The following KMT5A variants were observed in gnomAD, a reference collection of about 807,000 sequenced individuals.
The protein encoded by KMT5A is lysine methyltransferase 5A, also known as N-lysine methyltransferase KMT5A.
A neutral mutation model predicts 40.6 loss-of-function variants in KMT5A; 6 were observed. The ratio of observed to expected loss-of-function variants is 0.15; its 90% CI spans 0.08 to 0.29. The LOEUF (loss-of-function observed/expected upper bound fraction) is 0.29, where lower values mean the gene tolerates loss of function less well. Ranked by LOEUF, KMT5A falls within the 10% of genes least tolerant of loss-of-function variation. The pLI, the probability that KMT5A is intolerant of heterozygous loss-of-function variation, is 1.00. For synonymous variants in KMT5A, 153 were observed against 178.8 expected (o/e 0.86, Z 1.15); for missense variants, 308 against 459.1 (o/e 0.67, Z 3.01).
chr12:123,403,798 A>AG (rs1878349399), intron 6 of KMT5A, among the ~76,000 whole-genome samples, 166 bp downstream of exon 6: 1 of 152,236 alleles, frequency 6.6e-6, no homozygotes, highest in Admixed American at 6.5e-5. Context: ...AAAGTTGTTA[A>AG]GGAAATGTCT....
At chr12:123,390,108 G>T (rs746618127) in intron 2 of KMT5A, 1 of 468,956 alleles carries the variant, frequency 2.1e-6, no homozygotes, top group Non-Finnish European at 4.4e-6. Flanking sequence ...AAGTCCTCCC[G>T]TCGCAGCCCT....
chr12:123,396,222 G>C, intron 4 of KMT5A, 123 bp from the exon 5 acceptor site: 1 of 840,524 alleles, frequency 1.2e-6, no homozygotes, highest in Admixed American at 2.2e-5. Context: ...AGTGGACAAA[G>C]GTGTTTAAGT....
intron 5 of KMT5A, among the ~76,000 whole-genome samples, chr12:123,399,538 C>G (rs1455512113): frequency 1.3e-5 from 2 of 152,248 alleles, no homozygotes; most frequent in African/African-American, 4.8e-5. Context: ...GGCCCCCGTA[C>G]TTCTCAGCAC....
chr12:123,406,250 G>T (rs1409699843), intron 7 of KMT5A, among the ~76,000 whole-genome samples: 1 of 152,240 alleles, frequency 6.6e-6, no homozygotes, highest in South Asian at 2.1e-4. Context: ...GGCCAGAGCA[G>T]CTCTGGAAAT....
rs548362145 is a variant in KMT5A, at chr12:123,405,330, A to AT, written c.848+266dup. Among the ~76,000 whole-genome samples, 243 of 148,078 alleles carry AT rather than the reference A, an allele frequency of 1.6e-3. 2 individuals carry two copies. The South Asian group carries it at 0.023, about 14-fold the overall frequency. Reference sequence around the variant, plus strand: ...CTCAGCCTCCAGAGTAGCCCAGCTAATTTTTTTTTTCTGTATTTTTAGTAG... The same window carrying AT: ...CTCAGCCTCCAGAGTAGCCCAGCTAATTTTTTTTTTTCTGTATTTTTAGTAG... On this transcript the variant is annotated intron_variant, in intron 7 of 7. Transcript: ENST00000402868.
At position 123,384,161 on chromosome 12, in the gene KMT5A, G is replaced by A. The variant is rs776651928; in HGVS notation, c.-38G>A. ...TGTTGCAACTTTTTTCGAAAGCTGG[G>A]TTTCCCGGGAGATCCCAGGCGGTGA... On this transcript the variant is annotated 5_prime_UTR_variant, in exon 1 of 8. Coordinates refer to ENST00000402868, the MANE Select transcript of KMT5A (RefSeq NM_020382.7). The surrounding 1 kb of genome is among the most constrained non-coding windows in gnomAD (Gnocchi z 5.7). 2 of 1,613,258 alleles carry A rather than the reference G, an allele frequency of 1.2e-6. No individual in the cohort carries two copies. Among genetic ancestry groups the A allele is most frequent in the Admixed American group, 3.3e-5 (2 of 59,924 alleles).
At position 123,408,563 on chromosome 12, in the gene KMT5A, CTGCTTTTTTTTTTTTTTTTTTT is replaced by C. The variant is rs1486239924; in HGVS notation, c.*872_*893del. ...ATAGGTCTTGAAGTGAGTGAAGTGG[CTGCTTTTTTTTTTTTTTTTTTT>C]TGCTTTTTTTTGCTTTTTGTAGAAG... On this transcript the variant is annotated 3_prime_UTR_variant, in exon 8 of 8. Transcript: ENST00000402868. The C allele has an allele frequency of 7.6e-5, 10 of 132,074 alleles. No individual in the cohort carries two copies. The highest frequency in any genetic ancestry group is 2.4e-4 in the South Asian group (1 of 4,222). The allele number at this position is 132,074 out of a possible 1,614,324, so 8.2% of individuals were successfully genotyped here.
intron 3 of KMT5A, among the ~76,000 whole-genome samples, chr12:123,391,744 A>G (rs994136777): frequency 1.3e-5 from 2 of 152,186 alleles, no homozygotes; most frequent in African/African-American, 4.8e-5. Flanking sequence ...TCTAATTAAA[A>G]CTTGTCTGAA....
chr12:123,394,178 A>G (rs1877520833), intron 3 of KMT5A, among the ~76,000 whole-genome samples: 1 of 138,146 alleles, frequency 7.2e-6, no homozygotes, highest in Non-Finnish European at 1.5e-5. Flanking sequence ...ATCTTAGCTC[A>G]CTGCAACCTC....
chr12:123,401,389 C>T (rs1379577195), intron 5 of KMT5A, among the ~76,000 whole-genome samples: 1 of 150,956 alleles, frequency 6.6e-6, no homozygotes, highest in African/African-American at 2.4e-5. Context: ...ACTTCGTGAT[C>T]CGCCCGCCTC....
chr12:123,392,324 A>G lies in KMT5A; in HGVS notation c.289+1538A>G, dbSNP rs147458823. Among the ~76,000 whole-genome samples, 41 of 152,240 alleles carry G rather than the reference A, an allele frequency of 2.7e-4. No individual in the cohort carries two copies. The East Asian group carries it at 7.3e-3, about 27-fold the overall frequency. On this transcript the variant is annotated intron_variant, in intron 3 of 7. Coordinates refer to ENST00000402868, the MANE Select transcript of KMT5A (RefSeq NM_020382.7). ...ATGGTGGCCTGGTATACAAGCTAGT[A>G]TATTTGGCTCATGGTTTTACTAAAT...
rs1876766902 is a variant in KMT5A, at chr12:123,384,767, A to C, written c.10+559A>C. 6.6e-6 allele frequency among the ~76,000 whole-genome samples: 1 copy of C among 152,236 alleles called. No homozygotes were observed. The highest frequency in any genetic ancestry group is 2.4e-5 in the African/African-American group (1 of 41,468). Reference sequence around the variant, plus strand: ...GGGCCCCGCTGGCCCACTTTGGGGTAAAACGGGTTCCTGGCATCTCGCGGG... The same window carrying C: ...GGGCCCCGCTGGCCCACTTTGGGGTCAAACGGGTTCCTGGCATCTCGCGGG... On this transcript the variant is annotated intron_variant, in intron 1 of 7. Coordinates refer to ENST00000402868, the MANE Select transcript of KMT5A (RefSeq NM_020382.7). This position sits in a 1 kb window ranked among gnomAD's most constrained non-coding sequence, Gnocchi z 5.7.
rs868299354 is a variant in KMT5A at position 123,407,963 on chromosome 12, G to A, written c.*260G>A. 44 of 441,110 alleles carry A rather than the reference G, an allele frequency of 1.0e-4. No individual in the cohort carries two copies. Among genetic ancestry groups the A allele is most frequent in the Non-Finnish European group, 1.2e-4 (28 of 243,446 alleles). The allele number at this position is 441,110 out of a possible 1,614,324, so 27.3% of individuals were successfully genotyped here. ...TTTGTACTTTTTTTGCATACAAGCC[G>A]AACGTTTGTGCTTCCCGTGCATGCA... On this transcript the variant is annotated 3_prime_UTR_variant, in exon 8 of 8. Coordinates refer to ENST00000402868, the MANE Select transcript of KMT5A (RefSeq NM_020382.7).
chr12:123,384,302 C>G lies in KMT5A; in HGVS notation c.10+94C>G. On this transcript the variant is annotated intron_variant, in intron 1 of 7. Transcript: ENST00000402868. The surrounding 1 kb of genome is among the most constrained non-coding windows in gnomAD (Gnocchi z 5.7). ...GAGGCAGCGGCTGCGGGGAGGCGTC[C>G]TCCTCGGGTGGCTCGGGGCAAGCTT... 1 of 1,544,094 alleles carries G rather than the reference C, an allele frequency of 6.5e-7. No homozygotes were observed. Among genetic ancestry groups the G allele is most frequent in the Non-Finnish European group, 8.8e-7 (1 of 1,140,000 alleles).
chr12:123,384,290 C>T lies in KMT5A; in HGVS notation c.10+82C>T. 1.3e-6 allele frequency: 2 copies of T among 1,569,076 alleles called. No homozygotes were observed. The highest frequency in any genetic ancestry group is 1.7e-6 in the Non-Finnish European group (2 of 1,157,168). ...GTTGCCGGGGTGGAGGCAGCGGCTG[C>T]GGGGAGGCGTCCTCCTCGGGTGGCT... On this transcript the variant is annotated intron_variant, in intron 1 of 7. Coordinates refer to ENST00000402868, the MANE Select transcript of KMT5A (RefSeq NM_020382.7). The surrounding 1 kb of genome is among the most constrained non-coding windows in gnomAD (Gnocchi z 5.7).
chr12:123,386,203 G>T (rs985919916), intron 1 of KMT5A, among the ~76,000 whole-genome samples: 15 of 142,654 alleles, frequency 1.1e-4, no homozygotes, highest in African/African-American at 3.9e-4. Flanking sequence ...TGGATATTTA[G>T]ATTTAGATTT....
chr12:123,385,947 C>T (rs1283650843), intron 1 of KMT5A, among the ~76,000 whole-genome samples: 1 of 152,144 alleles, frequency 6.6e-6, no homozygotes, highest in Non-Finnish European at 1.5e-5. Flanking sequence ...TTGTTATTCT[C>T]ATTTTTTGGA....
rs116106163 is a variant in KMT5A at position 123,390,723 on chromosome 12, G to T, written c.226G>T (p.Val76Phe). Residue 76 changes from valine to phenylalanine, a missense_variant, in exon 3 of 8, where the codon GTT becomes TTT. Val to Phe is a conservative substitution (Grantham distance 50, BLOSUM62 -1). Transcript: ENST00000402868. The part of the protein sequence containing the change: ...MRFPLQEENS[V>F]THHEVKCQGK... ...TTTCCCCCTTCAGGAAGAGAACTCA[G>T]TTACACATCACGAAGTCAAATGCCA... is the stretch of plus-strand genomic sequence containing the variant. 5.0e-6 allele frequency: 8 copies of T among 1,613,934 alleles called. No individual in the cohort carries two copies. The African/African-American group carries it at 5.3e-5, about 11-fold the overall frequency.
chr12:123,400,394 T>C (rs1392588480), intron 5 of KMT5A, among the ~76,000 whole-genome samples: 1 of 149,690 alleles, frequency 6.7e-6, no homozygotes, highest in Non-Finnish European at 1.5e-5. Context: ...AGAGTCTCAC[T>C]CTGTAGCCCG....
Sources: allele counts gnomAD v4.1 joint callset (sites outside exome capture counted in the v4.1 genomes callset), GRCh38; gene constraint gnomAD v4.1.1; non-coding constraint Gnocchi (gnomAD v3.1); transcripts MANE v1.5; gene names NCBI Gene and HGNC (gene_info 2026-07-23, HGNC 2026-07-21).